The following UBE2V2 variants were observed in gnomAD, a reference collection of about 807,000 sequenced individuals.
UBE2V2 encodes ubiquitin conjugating enzyme E2 V2.
UBE2V2 carries 9 observed loss-of-function variants against 17.2 expected under a neutral mutation model. The observed-to-expected ratio is 0.52, with a 90% CI of 0.32 to 0.91. The LOEUF is 0.91. Ranked by LOEUF, UBE2V2 falls within the 40% of genes least tolerant of loss-of-function variation. UBE2V2 has a pLI of 0.04. For synonymous variants in UBE2V2, 61 were observed against 57.5 expected, an observed-to-expected ratio of 1.06 and a Z score of -0.28; for missense variants, 133 against 182.6, an observed-to-expected ratio of 0.73 and a Z score of 1.56.
Position 48,011,820 on chromosome 8 carries a change from A to T in UBE2V2, c.16+3350A>T, listed in dbSNP as rs1427486516. Among the ~76,000 whole-genome samples, 4 of 152,056 alleles carry T rather than the reference A, an allele frequency of 2.6e-5. No individual in the cohort carries two copies. The East Asian group carries it at 7.7e-4, about 29-fold the overall frequency. On this transcript the variant is annotated intron_variant, in intron 1 of 3. Transcript: ENST00000523111. Reference sequence around the variant, plus strand: ...AGGCACGCATTGCCACACCTGGCTAATTTTTAAATTATTTGTAGAGACAGG... The same window carrying T: ...AGGCACGCATTGCCACACCTGGCTATTTTTTAAATTATTTGTAGAGACAGG...
At chr8:48,006,020 A>G (rs191602193), upstream of UBE2V2, among the ~76,000 whole-genome samples, 542 of 152,316 alleles carry the variant, frequency 3.6e-3, 2 homozygotes, top group African/African-American at 0.012. Context: ...TAGTTTAATC[A>G]GATTCCATTT....
rs1236781255 is a variant in UBE2V2 at position 48,061,339 on chromosome 8, T to C, written c.*511T>C. Reference sequence around the variant, plus strand: ...AAAAATATGTTCAGGATTGTTTTGATACCTGTATTTATAATAAAAAATGTT... The same window carrying C: ...AAAAATATGTTCAGGATTGTTTTGACACCTGTATTTATAATAAAAAATGTT... On this transcript the variant is annotated 3_prime_UTR_variant, in exon 4 of 4. Coordinates refer to ENST00000523111, the MANE Select transcript of UBE2V2 (RefSeq NM_003350.3). 1.3e-5 allele frequency: 2 copies of C among 152,644 alleles called. No homozygotes were observed. Among genetic ancestry groups the C allele is most frequent in the Admixed American group, 6.5e-5 (1 of 15,278 alleles). 9.5% of individuals were successfully genotyped at this position (152,644 alleles called of 1,614,324 possible).
chr8:48,062,391 A>C lies in UBE2V2; in HGVS notation c.*1563A>C, dbSNP rs1194928763. 1 of 152,172 alleles carries C rather than the reference A, an allele frequency of 6.6e-6. No individual in the cohort carries two copies. The highest frequency in any genetic ancestry group is 1.9e-4 in the East Asian group (1 of 5,194). 9.4% of individuals were successfully genotyped at this position (152,172 alleles called of 1,614,324 possible). On this transcript the variant is annotated 3_prime_UTR_variant, in exon 4 of 4. Coordinates refer to ENST00000523111, the MANE Select transcript of UBE2V2 (RefSeq NM_003350.3). ...CAGATCACTTGAGGTCAGGAGCTTG[A>C]GACCAGCCTGGCCAACATGATGAAA...
chr8:48,035,616 A>ATTTTT (rs1445714369), intron 1 of UBE2V2, among the ~76,000 whole-genome samples: 2 of 37,852 alleles, frequency 5.3e-5, no homozygotes, highest in Non-Finnish European at 1.1e-4. Flanking sequence ...TTTAAAAATT[A>ATTTTT]TTGTTTTTTT....
At chr8:48,037,028 T>C (rs1589859295) in intron 1 of UBE2V2, among the ~76,000 whole-genome samples, 1 of 152,038 alleles carries the variant, frequency 6.6e-6, no homozygotes, top group African/African-American at 2.4e-5. Flanking sequence ...AAAATACAAA[T>C]ATTAGCCATG....
At chr8:48,039,179 C>T (rs554246315) in intron 1 of UBE2V2, among the ~76,000 whole-genome samples, 1 of 152,218 alleles carries the variant, frequency 6.6e-6, no homozygotes, top group Non-Finnish European at 1.5e-5. Flanking sequence ...GGATTACTGG[C>T]GTGAGCCACC....
chr8:48,008,079 G>A (rs1024658295), upstream of UBE2V2, among the ~76,000 whole-genome samples: 4 of 151,940 alleles, frequency 2.6e-5, no homozygotes, highest in South Asian at 2.1e-4. Flanking sequence ...GCGCCACCAC[G>A]TCCGGCTAAT....
intron 3 of UBE2V2, among the ~76,000 whole-genome samples, chr8:48,056,569 G>A (rs1166204745): frequency 1.3e-5 from 2 of 152,024 alleles, no homozygotes; most frequent in African/African-American, 2.4e-5. Flanking sequence ...TTCAAAAAAA[G>A]GAAAAGGAGA....
chr8:48,009,267 C>CTTTT (rs143794770), intron 1 of UBE2V2, among the ~76,000 whole-genome samples: 2 of 133,782 alleles, frequency 1.5e-5, no homozygotes, highest in South Asian at 2.4e-4. Context: ...CTTTTCTTTT[C>CTTTT]TTTTTTTTTT....
At chr8:48,023,295 G>A (rs544135348) in intron 1 of UBE2V2, among the ~76,000 whole-genome samples, 8 of 150,556 alleles carry the variant, frequency 5.3e-5, no homozygotes, top group Non-Finnish European at 8.9e-5. Context: ...GGCTCACTGC[G>A]ACCTCCGCCT....
chr8:48,022,899 A>T (rs1021932721), intron 1 of UBE2V2, among the ~76,000 whole-genome samples: 1 of 151,188 alleles, frequency 6.6e-6, no homozygotes, highest in African/African-American at 2.4e-5. Context: ...TCAGCCTCCC[A>T]AAGTGCTGGG....
chr8:48,038,651 T>C (rs1457385257), intron 1 of UBE2V2, among the ~76,000 whole-genome samples: 1 of 151,992 alleles, frequency 6.6e-6, no homozygotes, highest in Non-Finnish European at 1.5e-5. Flanking sequence ...GCTAATTCTT[T>C]TGTGTTTTTA....
chr8:48,056,034 A>G (rs980364923), intron 3 of UBE2V2, among the ~76,000 whole-genome samples: 6 of 152,198 alleles, frequency 3.9e-5, no homozygotes, highest in African/African-American at 1.4e-4. Flanking sequence ...CTGGGATTAC[A>G]GGCGTGAGCC....
chr8:48,018,722 A>G (rs2091285506), intron 1 of UBE2V2, among the ~76,000 whole-genome samples: 1 of 152,142 alleles, frequency 6.6e-6, no homozygotes, highest in African/African-American at 2.4e-5. Flanking sequence ...TTCTGTCTGC[A>G]TGATCTGTGC....
the UBE2V2 span, among the ~76,000 whole-genome samples, chr8:47,999,220 G>T: frequency 6.6e-6 from 1 of 152,154 alleles, no homozygotes; most frequent in African/African-American, 2.4e-5. Context: ...CAGCACCAAA[G>T]AAGCTTTCTT....
At chr8:48,005,780 C>A (rs1217472349), upstream of UBE2V2, among the ~76,000 whole-genome samples, 1 of 152,170 alleles carries the variant, frequency 6.6e-6, no homozygotes, top group Non-Finnish European at 1.5e-5. Context: ...TGATGATGAG[C>A]TTTTTTTCAT....
In UBE2V2 at chr8:48,046,880, C is replaced by T. The variant is rs1023032783; in HGVS notation, c.166-2973C>T. Among the ~76,000 whole-genome samples, 10 of 151,918 alleles carry T rather than the reference C, an allele frequency of 6.6e-5. No homozygotes were observed. In the East Asian group the frequency reaches 9.7e-4, roughly 15 times the overall value. On this transcript the variant is annotated intron_variant, in intron 2 of 3. Transcript: ENST00000523111. ...CCTCCCAAAGTGCTAGGATTATAGG[C>T]GTGAACCACTGTGCCTGGCCAGTTG...
At chr8:48,038,769 C>T (rs945700895) in intron 1 of UBE2V2, among the ~76,000 whole-genome samples, 6 of 151,938 alleles carry the variant, frequency 3.9e-5, no homozygotes, top group African/African-American at 1.5e-4. Flanking sequence ...GCGTGAGCTA[C>T]CATGTCCAGC....
chr8:48,040,823 T>C (rs968782080), intron 1 of UBE2V2, among the ~76,000 whole-genome samples: 4 of 149,694 alleles, frequency 2.7e-5, no homozygotes, highest in African/African-American at 9.8e-5. Flanking sequence ...AGATGGGGTT[T>C]CATCATGTTG....
Sources: gnomAD v4.1 joint callset for allele counts (sites outside exome capture counted in the v4.1 genomes callset) on GRCh38, gnomAD v4.1.1 for gene constraint, MANE v1.5 for transcripts, NCBI Gene and HGNC (gene_info 2026-07-23, HGNC 2026-07-21) for gene names.